CACNA1D: variants seen among roughly 807,000 people sequenced by gnomAD.
CACNA1D encodes the protein calcium voltage-gated channel subunit alpha1 D.
CACNA1D carries 55 observed loss-of-function variants against 257.1 expected under a neutral mutation model. The ratio of observed to expected loss-of-function variants is 0.21; its 90% confidence interval spans 0.17 to 0.27. The LOEUF (loss-of-function observed/expected upper bound fraction) is 0.27. CACNA1D is among the 10% of genes least tolerant of loss of function. The probability of loss-of-function intolerance (pLI) is 1.00; values close to 1 mark genes in which losing one functional copy is unlikely to be tolerated. For synonymous variants in CACNA1D, 980 were observed against 1,014.9 expected, an observed-to-expected ratio of 0.97 and a Z score of 0.65; for missense variants, 1,876 against 2,784.0, an observed-to-expected ratio of 0.67 and a Z score of 7.34.
chr3:53,708,504 ACT>A (rs1432526445), intron 9 of CACNA1D, among the ~76,000 whole-genome samples: 2 of 151,962 alleles, frequency 1.3e-5, no homozygotes, highest in Non-Finnish European at 2.9e-5. Context: ...GGACAGGCAG[ACT>A]CTCTCCACAG....
At chr3:53,715,082 C>CTT (rs2094804379) in intron 9 of CACNA1D, among the ~76,000 whole-genome samples, 1 of 152,000 alleles carries the variant, frequency 6.6e-6, no homozygotes, top group Non-Finnish European at 1.5e-5. Flanking sequence ...GGAAAAGGAT[C>CTT]CTGTGATAGG....
chr3:53,622,923 T>C (rs933892149), intron 3 of CACNA1D, among the ~76,000 whole-genome samples: 6 of 151,594 alleles, frequency 4.0e-5, no homozygotes, highest in African/African-American at 1.5e-4. Flanking sequence ...GGAGTCTTGC[T>C]CTGTCACCCA....
chr3:53,808,323 AGAAT>A (rs2095577751), intron 45 of CACNA1D: 1 of 325,872 alleles, frequency 3.1e-6, no homozygotes, highest in South Asian at 2.7e-5. Context: ...CTGAGGCAGG[AGAAT>A]GGCGTGAACC....
At position 53,704,052 on chromosome 3, in the gene CACNA1D, G is replaced by T. The variant is rs532557922; in HGVS notation, c.1390+1242G>T. Among the ~76,000 whole-genome samples, 12 of 152,314 alleles carry T rather than the reference G, an allele frequency of 7.9e-5. No individual in the cohort carries two copies. In the East Asian group the frequency reaches 2.3e-3, roughly 29 times the overall value. On this transcript the variant is annotated intron_variant, in intron 9 of 47. Transcript: ENST00000350061. ...GAGGCGTGGAGGTGGACAAAGGCCA[G>T]GTTTCAGGGAGGAAGCAGTGGGCCC...
intron 3 of CACNA1D, among the ~76,000 whole-genome samples, chr3:53,541,527 C>G (rs1184798512): frequency 6.6e-6 from 1 of 152,142 alleles, no homozygotes; most frequent in Non-Finnish European, 1.5e-5. Context: ...TAGTGACTGT[C>G]GATGCTCTTT....
chr3:53,756,526 C>T (rs1325027604), intron 29 of CACNA1D, among the ~76,000 whole-genome samples: 1 of 152,198 alleles, frequency 6.6e-6, no homozygotes, highest in Non-Finnish European at 1.5e-5. Flanking sequence ...GGTGATTTAG[C>T]CGATTGTGGG....
intron 3 of CACNA1D, among the ~76,000 whole-genome samples, chr3:53,621,759 T>C (rs1226859013): frequency 6.6e-6 from 1 of 152,166 alleles, no homozygotes; most frequent in Non-Finnish European, 1.5e-5. Flanking sequence ...AAAGCATCCA[T>C]GCAACACAAT....
chr3:53,631,683 C>T (rs2093823881), intron 3 of CACNA1D, among the ~76,000 whole-genome samples: 2 of 152,184 alleles, frequency 1.3e-5, no homozygotes, highest in Non-Finnish European at 2.9e-5. Context: ...GAGCTGGAGA[C>T]TTATGAAATA....
chr3:53,718,697 G>A lies in CACNA1D; in HGVS notation c.1478+309G>A, dbSNP rs1354547111. 2.6e-6 allele frequency: 4 copies of A among 1,558,822 alleles called. No individual in the cohort carries two copies. The East Asian group carries it at 9.5e-5, about 37-fold the overall frequency. ...TGTCCATTAGGTGCTGGTGGAGACGGAGAGGCGCGGCCAAGGCGGGGCCCT... is the reference window on the plus strand; with the variant it reads ...TGTCCATTAGGTGCTGGTGGAGACGAAGAGGCGCGGCCAAGGCGGGGCCCT... On this transcript the variant is annotated intron_variant, in intron 10 of 47. Coordinates refer to ENST00000350061, the MANE Select transcript of CACNA1D (RefSeq NM_001128840.3).
Position 53,732,080 on chromosome 3 carries a change from C to A in CACNA1D, c.2471C>A (p.Pro824Gln). 1 of 1,610,672 alleles carries A rather than the reference C, an allele frequency of 6.2e-7. No homozygotes were observed. The highest frequency in any genetic ancestry group is 8.5e-7 in the Non-Finnish European group (1 of 1,176,778). ...DKDPYPPCDV[P>Q]VGEEEEEEEE... ...GACCCCTATCCGCCTTGCGATGTGC[C>A]AGGTATGGTGGCGGAGGCCGGAGAC... The change falls in exon 18 of 48, where the codon CCA becomes CAA. Residue 824 changes from proline (P) to glutamine (Q), a missense_variant and splice_region_variant. Physicochemically the swap from Pro to Gln is moderately conservative, Grantham distance 76 (BLOSUM62 -1). Transcript: ENST00000350061.
chr3:53,673,817 GT>G lies in CACNA1D; in HGVS notation c.1220+692del. 6.3e-7 allele frequency: 1 copy of G among 1,596,696 alleles called. No individual in the cohort carries two copies. Among genetic ancestry groups the G allele is most frequent in the Non-Finnish European group, 8.6e-7 (1 of 1,164,098 alleles). ...ACCTGGTTCTTGGTGTCCTTAGTGG[GT>G]AAGCAGTCGGATCCGTGTTGCACCT... On this transcript the variant is annotated intron_variant, in intron 8 of 47. Transcript: ENST00000350061. This position sits in a 1 kb window ranked among gnomAD's most constrained non-coding sequence, Gnocchi z 4.1.
intron 8 of CACNA1D, among the ~76,000 whole-genome samples, chr3:53,696,168 C>T (rs1364140735): frequency 6.6e-6 from 1 of 152,184 alleles, no homozygotes; most frequent in Non-Finnish European, 1.5e-5. Flanking sequence ...GGGTCTCACT[C>T]TGTTGCCCAT....
At chr3:53,629,474 C>T (rs1355122987) in intron 3 of CACNA1D, among the ~76,000 whole-genome samples, 1 of 152,220 alleles carries the variant, frequency 6.6e-6, no homozygotes, top group Non-Finnish European at 1.5e-5. Flanking sequence ...CATCCTTTAA[C>T]ATTGAGATGA....
intron 2 of CACNA1D, among the ~76,000 whole-genome samples, chr3:53,501,018 G>A (rs1481675127): frequency 6.6e-6 from 1 of 152,210 alleles, no homozygotes; most frequent in Non-Finnish European, 1.5e-5. Flanking sequence ...AAGCAGAGGC[G>A]GGAGCTGAAG....
intron 28 of CACNA1D, among the ~76,000 whole-genome samples, chr3:53,752,112 G>A (rs980921784): frequency 5.3e-5 from 8 of 152,122 alleles, no homozygotes; most frequent in African/African-American, 7.2e-5. Context: ...GAAATTATCC[G>A]TACAGCATGA....
intron 29 of CACNA1D, among the ~76,000 whole-genome samples, chr3:53,754,832 A>G (rs1395956180): frequency 6.6e-6 from 1 of 152,240 alleles, no homozygotes; most frequent in Non-Finnish European, 1.5e-5. Flanking sequence ...GGATGGTTTC[A>G]CATACTCCAT....
At chr3:53,623,485 T>C (rs780145611) in intron 3 of CACNA1D, among the ~76,000 whole-genome samples, 6 of 152,234 alleles carry the variant, frequency 3.9e-5, no homozygotes, top group Non-Finnish European at 5.9e-5. Flanking sequence ...ATTGTGGGTA[T>C]TCACTGTACA....
At chr3:53,589,193 A>G (rs1230112403) in intron 3 of CACNA1D, among the ~76,000 whole-genome samples, 1 of 152,218 alleles carries the variant, frequency 6.6e-6, no homozygotes, top group African/African-American at 2.4e-5. Context: ...CCTCATTAGC[A>G]TAACTTACAA....
chr3:53,808,642 T>C lies in CACNA1D; in HGVS notation c.5750-7T>C, dbSNP rs1476227391. 6.2e-7 allele frequency: 1 copy of C among 1,606,686 alleles called. No homozygotes were observed. The highest frequency in any genetic ancestry group is 1.7e-5 in the Admixed American group (1 of 59,992). On this transcript the variant is annotated splice_polypyrimidine_tract_variant and splice_region_variant and intron_variant, in intron 45 of 47. Coordinates refer to ENST00000350061, the MANE Select transcript of CACNA1D (RefSeq NM_001128840.3). ...TCACAGCTGTGTGATGCCCTTTGCT[T>C]TCCCAGCCCACCGGAGATCCTCCTT...
Sources: allele counts gnomAD v4.1 joint callset (sites outside exome capture counted in the v4.1 genomes callset), GRCh38; gene constraint gnomAD v4.1.1; non-coding constraint Gnocchi (gnomAD v3.1); transcripts MANE v1.5; gene names NCBI Gene and HGNC (gene_info 2026-07-23, HGNC 2026-07-21).